The following KIF16B variants were observed in gnomAD, a reference collection of about 807,000 sequenced individuals.
KIF16B encodes kinesin-like protein KIF16B.
In KIF16B, 98 loss-of-function variants were observed where a neutral mutation model predicts 156.3. The ratio of observed to expected loss-of-function variants is 0.63; its 90% CI spans 0.53 to 0.74. KIF16B has a LOEUF of 0.74. Ranked by LOEUF, KIF16B falls within the 30% of genes least tolerant of loss-of-function variation. KIF16B has a pLI of 0.00. For missense variants in KIF16B, 1,421 were observed against 1,606.5 expected, an observed-to-expected ratio of 0.88 and a Z score of 1.97; for synonymous variants, 564 against 583.7, an observed-to-expected ratio of 0.97 and a Z score of 0.49.
Position 16,506,038 on chromosome 20 carries a change from G to A in KIF16B, c.852C>T (p.Asn284=), listed in dbSNP as rs541939415. Residue 284 remains asparagine, a synonymous_variant, in exon 8 of 26, where the codon AAC becomes AAT. Coordinates refer to ENST00000354981, the MANE Select transcript of KIF16B (RefSeq NM_024704.5). ...NINKSLVTLG[N]VISALADLSQ... ...TAAGCATACCTAAGGCAGAAATGACGTTCCCCAGAGTCACGAGGGACTTGT... is the reference window on the plus strand; with the variant it reads ...TAAGCATACCTAAGGCAGAAATGACATTCCCCAGAGTCACGAGGGACTTGT... 1.7e-5 allele frequency: 27 copies of A among 1,614,084 alleles called. 1 individual carries two copies. Among genetic ancestry groups the A allele is most frequent in the South Asian group, 9.9e-5 (9 of 91,074 alleles).
intron 23 of KIF16B, among the ~76,000 whole-genome samples, chr20:16,352,332 T>G (rs994565131): frequency 6.6e-6 from 1 of 152,264 alleles, no homozygotes; most frequent in African/African-American, 2.4e-5. Context: ...TCTACTTATA[T>G]ATCCTCAGTT....
At chr20:16,544,383 G>A (rs973706740) in intron 1 of KIF16B, among the ~76,000 whole-genome samples, 36 of 152,122 alleles carry the variant, frequency 2.4e-4, no homozygotes, top group Non-Finnish European at 5.9e-5. Flanking sequence ...GCCAAGGCAG[G>A]TGAATGATTG....
intron 25 of KIF16B, among the ~76,000 whole-genome samples, chr20:16,306,234 A>AT (rs932617814): frequency 2.0e-5 from 3 of 152,168 alleles, no homozygotes; most frequent in African/African-American, 4.8e-5. Flanking sequence ...TATTCCTGGG[A>AT]TTTTTTGGCT....
At chr20:16,547,028 C>T (rs1416612609) in intron 1 of KIF16B, among the ~76,000 whole-genome samples, 3 of 152,214 alleles carry the variant, frequency 2.0e-5, no homozygotes, top group Non-Finnish European at 2.9e-5. Flanking sequence ...CTGCCGGCCT[C>T]GGTCTCCCAA....
intron 1 of KIF16B, among the ~76,000 whole-genome samples, chr20:16,567,612 T>TTA (rs2071300889): frequency 6.6e-6 from 1 of 152,092 alleles, no homozygotes; most frequent in Non-Finnish European, 1.5e-5. Flanking sequence ...CCCCTGGCTT[T>TTA]TATAGGTCAG....
intron 24 of KIF16B, among the ~76,000 whole-genome samples, chr20:16,327,021 G>A (rs554522213): frequency 2.1e-5 from 3 of 142,394 alleles, no homozygotes; most frequent in Non-Finnish European, 4.6e-5. Flanking sequence ...ATATGTGTGT[G>A]TATATATATA....
At chr20:16,552,944 T>C (rs2070720848) in intron 1 of KIF16B, among the ~76,000 whole-genome samples, 2 of 152,094 alleles carry the variant, frequency 1.3e-5, no homozygotes, top group Non-Finnish European at 1.5e-5. Flanking sequence ...TTTTGTATTT[T>C]CAGTAGAGAC....
At chr20:16,276,351 G>C (rs1304831394) in intron 25 of KIF16B, among the ~76,000 whole-genome samples, 1 of 152,210 alleles carries the variant, frequency 6.6e-6, no homozygotes, top group African/African-American at 2.4e-5. Context: ...ACCACCATAA[G>C]AAGAGAACAA....
At chr20:16,285,214 TAA>T (rs1192660507) in intron 25 of KIF16B, among the ~76,000 whole-genome samples, 1 of 152,138 alleles carries the variant, frequency 6.6e-6, no homozygotes. Flanking sequence ...GATTCTGGAG[TAA>T]CCATGCCTTC....
intron 24 of KIF16B, among the ~76,000 whole-genome samples, chr20:16,321,366 T>C (rs543354108): frequency 9.9e-5 from 15 of 152,242 alleles, no homozygotes; most frequent in African/African-American, 3.4e-4. Context: ...CTTTTTCTTT[T>C]AATAACCTAA....
In KIF16B at chr20:16,502,003, C is replaced by T. The variant is rs752068584; in HGVS notation, c.1176+2369G>A. The stretch of plus-strand genomic sequence containing the variant: ...TAACTTGCAATTTTGGGGGATAATA[C>T]GTCAATAAAAAATTCAAATATATAA... On this transcript the variant is annotated intron_variant, in intron 10 of 25. Transcript: ENST00000354981. Among the ~76,000 whole-genome samples the T allele has an allele frequency of 4.6e-5, 7 of 151,982 alleles. 1 individual carries two copies. The highest frequency in any genetic ancestry group is 8.8e-5 in the Non-Finnish European group (6 of 67,990).
chr20:16,417,144 G>C (rs1406110500), intron 15 of KIF16B, among the ~76,000 whole-genome samples: 2 of 152,182 alleles, frequency 1.3e-5, no homozygotes, highest in African/African-American at 4.8e-5. Context: ...AGAAAGTGCA[G>C]GAGAGATGAA....
chr20:16,526,414 CTTTTT>C, intron 2 of KIF16B, among the ~76,000 whole-genome samples: 1 of 152,304 alleles, frequency 6.6e-6, no homozygotes, highest in Non-Finnish European at 1.5e-5. Context: ...CTGACCTTTT[CTTTTT>C]ATCACTATTA....
intron 1 of KIF16B, among the ~76,000 whole-genome samples, chr20:16,549,027 T>G (rs1315845274): frequency 7.7e-6 from 1 of 129,132 alleles, no homozygotes; most frequent in Non-Finnish European, 1.7e-5. Flanking sequence ...TTTTTTTATG[T>G]TTTTTTTTCG....
chr20:16,278,082 T>C (rs752239694), intron 25 of KIF16B, among the ~76,000 whole-genome samples: 3 of 151,628 alleles, frequency 2.0e-5, no homozygotes, highest in Non-Finnish European at 2.9e-5. Flanking sequence ...TTCAATACGA[T>C]TGCAAACCAG....
chr20:16,563,255 C>G (rs772246104), intron 1 of KIF16B, among the ~76,000 whole-genome samples: 15 of 152,204 alleles, frequency 9.9e-5, no homozygotes, highest in Non-Finnish European at 2.2e-4. Context: ...CTCCTTTGTG[C>G]TTGGATGAAT....
chr20:16,535,090 A>G (rs1038108358), intron 1 of KIF16B, among the ~76,000 whole-genome samples: 1 of 152,104 alleles, frequency 6.6e-6, no homozygotes, highest in Non-Finnish European at 1.5e-5. Context: ...TTTGAGCAGT[A>G]TGGTCATTTT....
intron 23 of KIF16B, among the ~76,000 whole-genome samples, chr20:16,343,813 G>A (rs2064183207): frequency 6.6e-6 from 1 of 152,070 alleles, no homozygotes; most frequent in Admixed American, 6.5e-5. Flanking sequence ...GATGCTCCAT[G>A]GAGTATGGAA....
At chr20:16,532,910 C>T (rs1356999102) in intron 1 of KIF16B, among the ~76,000 whole-genome samples, 1 of 152,190 alleles carries the variant, frequency 6.6e-6, no homozygotes, top group Non-Finnish European at 1.5e-5. Flanking sequence ...CAGAACCTTA[C>T]ACCTTTGGAG....
Sources: allele counts gnomAD v4.1 joint callset (sites outside exome capture counted in the v4.1 genomes callset), GRCh38; gene constraint gnomAD v4.1.1; transcripts MANE v1.5; gene names NCBI Gene and HGNC (gene_info 2026-07-23, HGNC 2026-07-21).